PCDHGA3: variants seen among roughly 807,000 people sequenced by gnomAD.
PCDHGA3 encodes protocadherin gamma-A3.
A neutral mutation model predicts 58.5 loss-of-function variants in PCDHGA3; 40 were observed. The ratio of observed to expected loss-of-function variants is 0.68; its 90% CI spans 0.53 to 0.89. The LOEUF (loss-of-function observed/expected upper bound fraction) is 0.89, where lower values mean the gene tolerates loss of function less well. PCDHGA3 is among the 40% of genes least tolerant of loss of function. The probability of loss-of-function intolerance (pLI) is 0.00; values close to 1 mark genes in which losing one functional copy is unlikely to be tolerated. For synonymous variants in PCDHGA3, 530 were observed against 525.7 expected (o/e 1.01, Z -0.11); for missense variants, 1,223 against 1,195.9 (o/e 1.02, Z -0.33).
intron 1 of PCDHGA3, chr5:141,383,728 G>C (rs1561598364): frequency 6.2e-7 from 1 of 1,613,878 alleles, no homozygotes; most frequent in African/African-American, 1.3e-5. Flanking sequence ...CAATGGGGAA[G>C]TGACATATTC....
Position 141,399,060 on chromosome 5 carries a change from T to C in PCDHGA3, c.2424+52603T>C, listed in dbSNP as rs903637711. 1.9e-5 allele frequency: 31 copies of C among 1,613,868 alleles called. No homozygotes were observed. In the African/African-American group the frequency reaches 2.8e-4, roughly 15 times the overall value. ...TGGATTTTGAAGAGACCAAGGAATA[T>C]TCAATGGTTGTAGAAGGGAGGGATG... On this transcript the variant is annotated intron_variant, in intron 1 of 3. Coordinates refer to ENST00000253812, the MANE Select transcript of PCDHGA3 (RefSeq NM_018916.4).
chr5:141,478,623 GT>G (rs1337268572), intron 1 of PCDHGA3: 14 of 1,554,358 alleles, frequency 9.0e-6, no homozygotes, highest in African/African-American at 1.4e-5. Context: ...GAATGGAGCT[GT>G]TTTTTTAGTG....
At chr5:141,453,420 C>A (rs2098764964) in intron 1 of PCDHGA3, among the ~76,000 whole-genome samples, 1 of 152,054 alleles carries the variant, frequency 6.6e-6, no homozygotes, top group African/African-American at 2.4e-5. Context: ...GCATAAGCCA[C>A]CACACCTAGC....
At chr5:141,464,263 TAA>T (rs35224477) in intron 1 of PCDHGA3, among the ~76,000 whole-genome samples, 15 of 103,552 alleles carry the variant, frequency 1.4e-4, no homozygotes, top group Admixed American at 3.2e-4. Context: ...AGACTCCGTC[TAA>T]AAAAAAAAAA....
chr5:141,370,790 CT>C (rs776090899), intron 1 of PCDHGA3: 1 of 1,614,038 alleles, frequency 6.2e-7, no homozygotes, highest in East Asian at 2.2e-5. Context: ...ACCCACCGAC[CT>C]TTAGCCAAAA....
rs138616951 is a variant in PCDHGA3, at chr5:141,490,312, C to T, written c.2425-4495C>T. On this transcript the variant is annotated intron_variant, in intron 1 of 3. Transcript: ENST00000253812. The surrounding 1 kb of genome is among the most constrained non-coding windows in gnomAD (Gnocchi z 5.4). ...GGTGCTATTGGCCTCTTTGGCCAAC[C>T]CTGTCCTAGAGAGCACACCAGTGGG... 67 of 1,614,050 alleles carry T rather than the reference C, an allele frequency of 4.2e-5. No individual in the cohort carries two copies. The highest frequency in any genetic ancestry group is 5.3e-5 in the Non-Finnish European group (63 of 1,180,008).
intron 1 of PCDHGA3, chr5:141,421,414 C>G: frequency 6.2e-7 from 1 of 1,614,066 alleles, no homozygotes; most frequent in Non-Finnish European, 8.5e-7. Flanking sequence ...GCTGGCGAAG[C>G]GCGGAGTCCG....
rs760597498 is a variant in PCDHGA3 at position 141,350,693 on chromosome 5, C to A, written c.2424+4236C>A. On this transcript the variant is annotated intron_variant, in intron 1 of 3. Coordinates refer to ENST00000253812, the MANE Select transcript of PCDHGA3 (RefSeq NM_018916.4). ...CTTAGAAATTTGTGAGTCAGCCTTA[C>A]CCGGGGTAAAATTCTCTCTGGATTC... The A allele has an allele frequency of 3.7e-6, 6 of 1,613,390 alleles. No homozygotes were observed. In the African/African-American group the frequency reaches 8.0e-5, roughly 22 times the overall value.
chr5:141,401,508 C>G (rs2094162050), intron 1 of PCDHGA3, among the ~76,000 whole-genome samples: 1 of 152,302 alleles, frequency 6.6e-6, no homozygotes, highest in East Asian at 1.9e-4. Flanking sequence ...TTTTCCACCT[C>G]TATATAATTA....
At chr5:141,437,047 G>C (rs2097860477) in intron 1 of PCDHGA3, among the ~76,000 whole-genome samples, 1 of 152,214 alleles carries the variant, frequency 6.6e-6, no homozygotes, top group Admixed American at 6.5e-5. Context: ...AAACCAGAAG[G>C]CTGGTGATCA....
chr5:141,474,628 A>C (rs1169097645), intron 1 of PCDHGA3, among the ~76,000 whole-genome samples: 1 of 152,234 alleles, frequency 6.6e-6, no homozygotes, highest in Non-Finnish European at 1.5e-5. Flanking sequence ...TCTCTTCCGG[A>C]AATATCCTAT....
At chr5:141,508,681 C>T (rs970069) in intron 3 of PCDHGA3, among the ~76,000 whole-genome samples, 26,289 of 151,984 alleles carry the variant, frequency 0.17, 2,539 homozygotes, top group Admixed American at 0.29. Flanking sequence ...CTCCCTTCTC[C>T]CTGCTTCTCC....
chr5:141,420,036 G>C, intron 1 of PCDHGA3: 1 of 1,614,078 alleles, frequency 6.2e-7, no homozygotes. Context: ...GCAGGAGACT[G>C]CTTTGAGTCA....
intron 1 of PCDHGA3, chr5:141,356,276 C>A (rs1471282660): frequency 2.1e-5 from 33 of 1,559,972 alleles, no homozygotes; most frequent in Non-Finnish European, 2.8e-5. Flanking sequence ...GTCCAGGAAT[C>A]TTCTTCCCCG....
At chr5:141,410,039 G>A (rs1413013254) in intron 1 of PCDHGA3, 2 of 1,613,264 alleles carry the variant, frequency 1.2e-6, no homozygotes, top group South Asian at 1.1e-5. Context: ...GCAGGCCAGT[G>A]AGCCCGGACT....
At chr5:141,383,425 C>T in intron 1 of PCDHGA3, 1 of 1,613,980 alleles carries the variant, frequency 6.2e-7, no homozygotes, top group Non-Finnish European at 8.5e-7. Context: ...CAGCCCCAAT[C>T]GCCACTTCTC....
At chr5:141,381,986 C>A (rs1360595056) in intron 1 of PCDHGA3, among the ~76,000 whole-genome samples, 1 of 151,810 alleles carries the variant, frequency 6.6e-6, no homozygotes, top group East Asian at 1.9e-4. Flanking sequence ...CGCGCCACCA[C>A]GCCCGGATAA....
At chr5:141,403,836 A>G (rs370798833) in intron 1 of PCDHGA3, 8 of 1,613,670 alleles carry the variant, frequency 5.0e-6, no homozygotes, top group African/African-American at 1.3e-5. Context: ...TTCCAGCTTA[A>G]TGAAAATACT....
intron 1 of PCDHGA3, among the ~76,000 whole-genome samples, chr5:141,470,014 A>G (rs1394478856): frequency 6.6e-6 from 1 of 152,200 alleles, no homozygotes; most frequent in Non-Finnish European, 1.5e-5. Flanking sequence ...CTGTAATCCC[A>G]GCTACTCGGG....
Sources: allele counts gnomAD v4.1 joint callset (sites outside exome capture counted in the v4.1 genomes callset), GRCh38; gene constraint gnomAD v4.1.1; non-coding constraint Gnocchi (gnomAD v3.1); transcripts MANE v1.5; gene names NCBI Gene and HGNC (gene_info 2026-07-23, HGNC 2026-07-21).